Variants in FBXL17 observed in about 807,000 individuals in gnomAD.
The protein encoded by FBXL17 is F-box and leucine rich repeat protein 17.
A neutral mutation model predicts 66.2 loss-of-function variants in FBXL17; 22 were observed. That is an observed-to-expected ratio of 0.33 (90% CI 0.24 to 0.47). The LOEUF (loss-of-function observed/expected upper bound fraction) is 0.47, where lower values mean the gene tolerates loss of function less well. FBXL17 is among the 20% of genes least tolerant of loss of function. The pLI, the probability that FBXL17 is intolerant of heterozygous loss-of-function variation, is 1.00. For missense variants in FBXL17, 878 were observed against 948.2 expected, an observed-to-expected ratio of 0.93 and a Z score of 0.97; for synonymous variants, 474 against 400.5, an observed-to-expected ratio of 1.18 and a Z score of -2.19.
intron 8 of FBXL17, among the ~76,000 whole-genome samples, chr5:107,865,344 G>C (rs1002937638): frequency 2.0e-5 from 3 of 152,094 alleles, no homozygotes; most frequent in Admixed American, 2.0e-4. Flanking sequence ...ATGAAGATAT[G>C]GATTTATGAA....
intron 4 of FBXL17, among the ~76,000 whole-genome samples, chr5:108,273,813 T>C (rs187938442): frequency 0.014 from 2,193 of 152,124 alleles, 27 homozygotes; most frequent in South Asian, 0.031. Flanking sequence ...AATAGACACA[T>C]AGCTTGCTGT....
chr5:108,057,521 C>G (rs73208830), intron 6 of FBXL17, among the ~76,000 whole-genome samples: 7,401 of 152,202 alleles, frequency 0.049, 598 homozygotes, highest in African/African-American at 0.17. Flanking sequence ...TATAAATTTT[C>G]TTTTTGGAGC....
At chr5:108,326,359 A>G (rs2966831) in intron 4 of FBXL17, among the ~76,000 whole-genome samples, 114,082 of 151,866 alleles carry the variant, frequency 0.75, 43,223 homozygotes, top group East Asian at 0.93. Context: ...TTGTGAGGCC[A>G]AGGCAGGCAG....
In FBXL17 at chr5:108,015,930, T is replaced by A. The variant is rs202235324; in HGVS notation, c.1822+4995A>T. On this transcript the variant is annotated intron_variant, in intron 7 of 8. Transcript: ENST00000542267. ...TCTGGAAAACAAGATGCATTTTTTT[T>A]AATAAGCAGGCTAGCCTGTCCTCTG... 1.7e-4 allele frequency among the ~76,000 whole-genome samples: 26 copies of A among 151,834 alleles called. No homozygotes were observed. In the South Asian group the frequency reaches 2.5e-3, roughly 15 times the overall value.
At chr5:108,380,474 A>G (rs567442338) in intron 1 of FBXL17, among the ~76,000 whole-genome samples, 2 of 152,328 alleles carry the variant, frequency 1.3e-5, no homozygotes, top group East Asian at 3.9e-4. Context: ...GGTGGGTTAT[A>G]GAGTCAAGCT....
At chr5:108,225,263 C>T (rs1755053171) in intron 4 of FBXL17, among the ~76,000 whole-genome samples, 1 of 152,156 alleles carries the variant, frequency 6.6e-6, no homozygotes, top group African/African-American at 2.4e-5. Flanking sequence ...CTTTTCAAGG[C>T]TGAAAAATAT....
chr5:107,950,045 A>G (rs1751446142), intron 7 of FBXL17, among the ~76,000 whole-genome samples: 1 of 152,140 alleles, frequency 6.6e-6, no homozygotes. Flanking sequence ...TGTTACTAAG[A>G]TTTGTCAGAA....
chr5:108,346,157 A>G (rs983902323), intron 4 of FBXL17, among the ~76,000 whole-genome samples: 2 of 152,126 alleles, frequency 1.3e-5, no homozygotes, highest in Non-Finnish European at 2.9e-5. Flanking sequence ...CATAAATTTT[A>G]AAAATACAAA....
chr5:108,263,103 A>T (rs1185186211), intron 4 of FBXL17, among the ~76,000 whole-genome samples: 1 of 152,164 alleles, frequency 6.6e-6, no homozygotes, highest in Non-Finnish European at 1.5e-5. Context: ...TAACCAATTA[A>T]TTGAGAATCT....
At chr5:108,225,835 T>C (rs1271728104) in intron 4 of FBXL17, among the ~76,000 whole-genome samples, 1 of 152,174 alleles carries the variant, frequency 6.6e-6, no homozygotes, top group Non-Finnish European at 1.5e-5. Flanking sequence ...TCAATCTCAA[T>C]TATCCCAGCA....
chr5:108,157,597 A>C (rs1324812329), intron 6 of FBXL17, among the ~76,000 whole-genome samples: 3 of 151,860 alleles, frequency 2.0e-5, no homozygotes, highest in African/African-American at 4.8e-5. Context: ...AAAAAAAAAA[A>C]CTAAAACTAA....
At chr5:108,257,425 C>T (rs1471457915) in intron 4 of FBXL17, among the ~76,000 whole-genome samples, 4 of 152,052 alleles carry the variant, frequency 2.6e-5, no homozygotes, top group African/African-American at 4.8e-5. Flanking sequence ...TTACCAAGGC[C>T]GTAAATGACA....
At chr5:108,016,843 G>C (rs994507159) in intron 7 of FBXL17, among the ~76,000 whole-genome samples, 3 of 150,062 alleles carry the variant, frequency 2.0e-5, no homozygotes, top group Non-Finnish European at 4.4e-5. Context: ...GCAATGGCAT[G>C]ATCTCAGCTC....
chr5:107,880,176 T>TC, intron 8 of FBXL17: 1 of 212,136 alleles, frequency 4.7e-6, no homozygotes, highest in Non-Finnish European at 8.1e-6. Context: ...CAGGTGATCC[T>TC]CCCACCTTAG....
chr5:108,254,839 A>G (rs1756506227), intron 4 of FBXL17, among the ~76,000 whole-genome samples: 2 of 152,204 alleles, frequency 1.3e-5, no homozygotes, highest in Non-Finnish European at 2.9e-5. Context: ...AAAATCATTG[A>G]GTGTCAATGT....
chr5:108,378,157 T>C (rs938182278), intron 1 of FBXL17, among the ~76,000 whole-genome samples: 3 of 152,144 alleles, frequency 2.0e-5, no homozygotes, highest in South Asian at 2.1e-4. Context: ...AGAAACATCC[T>C]TGTTGATATT....
intron 4 of FBXL17, among the ~76,000 whole-genome samples, chr5:108,261,067 T>C (rs1486427656): frequency 1.3e-5 from 2 of 151,936 alleles, no homozygotes; most frequent in African/African-American, 4.8e-5. Context: ...TAAAAAAAAA[T>C]ATTAAAATAC....
At chr5:107,996,972 T>C (rs1753498423) in intron 7 of FBXL17, among the ~76,000 whole-genome samples, 1 of 152,152 alleles carries the variant, frequency 6.6e-6, no homozygotes, top group Admixed American at 6.5e-5. Flanking sequence ...AGATGTAAAA[T>C]ATTAGAGGGA....
intron 6 of FBXL17, among the ~76,000 whole-genome samples, chr5:108,119,741 T>C (rs568185815): frequency 1.3e-5 from 2 of 152,346 alleles, no homozygotes; most frequent in East Asian, 3.9e-4. Context: ...TCTACTCATT[T>C]TGAACCTATT....
Sources: allele counts gnomAD v4.1 joint callset (sites outside exome capture counted in the v4.1 genomes callset), GRCh38; gene constraint gnomAD v4.1.1; transcripts MANE v1.5; gene names NCBI Gene and HGNC (gene_info 2026-07-23, HGNC 2026-07-21).